PARD3: variants seen among roughly 807,000 people sequenced by gnomAD.
PARD3 encodes the protein partitioning defective 3 homolog.
A neutral mutation model predicts 155.4 loss-of-function variants in PARD3; 75 were observed. The observed-to-expected ratio is 0.48, with a 90% CI of 0.40 to 0.58. PARD3 has a LOEUF of 0.58. PARD3 is among the 20% of genes least tolerant of loss of function. PARD3 has a pLI of 0.00. For missense variants in PARD3, 1,642 were observed against 1,721.7 expected (o/e 0.95, Z 0.82); for synonymous variants, 576 against 610.5 (o/e 0.94, Z 0.83).
At chr10:34,472,000 C>T (rs1193474078) in intron 3 of PARD3, among the ~76,000 whole-genome samples, 1 of 152,136 alleles carries the variant, frequency 6.6e-6, no homozygotes, top group Non-Finnish European at 1.5e-5. Flanking sequence ...ACAGTGAAAG[C>T]TGTATTTAAA....
chr10:34,217,632 AGCAGTGCAT>A (rs1231388737), intron 22 of PARD3, among the ~76,000 whole-genome samples: 1 of 152,096 alleles, frequency 6.6e-6, no homozygotes, highest in Non-Finnish European at 1.5e-5. Context: ...ACTGAGACAA[AGCAGTGCAT>A]GAGGAGAAGC....
chr10:34,303,939 G>A (rs1957276449), intron 20 of PARD3, among the ~76,000 whole-genome samples: 1 of 152,170 alleles, frequency 6.6e-6, no homozygotes, highest in Non-Finnish European at 1.5e-5. Context: ...CAATGGTGGA[G>A]CAAGATAGAG....
chr10:34,665,536 A>AT (rs1161466688), intron 2 of PARD3, among the ~76,000 whole-genome samples: 2 of 151,732 alleles, frequency 1.3e-5, no homozygotes, highest in African/African-American at 2.4e-5. Flanking sequence ...AATTTTAAAA[A>AT]TTTTTAAAAA....
At chr10:34,764,535 T>C (rs1837844370) in intron 1 of PARD3, among the ~76,000 whole-genome samples, 1 of 151,910 alleles carries the variant, frequency 6.6e-6, no homozygotes. Context: ...GGGAAGGGAG[T>C]TACAGATAAA....
At chr10:34,577,688 C>T (rs1435358974) in intron 2 of PARD3, among the ~76,000 whole-genome samples, 2 of 152,274 alleles carry the variant, frequency 1.3e-5, no homozygotes, top group South Asian at 2.1e-4. Flanking sequence ...AAAATTTCAT[C>T]ACTAACTCCA....
chr10:34,573,730 AACAAAAACACACACACACACACAC>A (rs1388080338), intron 2 of PARD3, among the ~76,000 whole-genome samples: 2 of 36,346 alleles, frequency 5.5e-5, no homozygotes, highest in African/African-American at 1.5e-4. Flanking sequence ...CAAACAAACA[AACAAAAACACACACACACACACAC>A]ACACACACAC....
At chr10:34,765,728 G>A (rs1036164010) in intron 1 of PARD3, among the ~76,000 whole-genome samples, 9 of 152,058 alleles carry the variant, frequency 5.9e-5, no homozygotes, top group Non-Finnish European at 8.8e-5. Context: ...CAGGAGCAGT[G>A]ATATCGTTAA....
chr10:34,652,950 T>G (rs534340930), intron 2 of PARD3, among the ~76,000 whole-genome samples: 2 of 152,170 alleles, frequency 1.3e-5, no homozygotes, highest in Admixed American at 1.3e-4. Flanking sequence ...CCGGAGGACA[T>G]TTAAACGGAA....
chr10:34,199,859 C>T (rs1331225867), intron 22 of PARD3, among the ~76,000 whole-genome samples: 1 of 152,042 alleles, frequency 6.6e-6, no homozygotes, highest in Non-Finnish European at 1.5e-5. Flanking sequence ...TCTTTAGCAA[C>T]AAAGACTATT....
chr10:34,585,747 C>G (rs1446575607), intron 2 of PARD3, among the ~76,000 whole-genome samples: 1 of 152,004 alleles, frequency 6.6e-6, no homozygotes, highest in Non-Finnish European at 1.5e-5. Flanking sequence ...AATTTATATA[C>G]TTTTGCTAAA....
At chr10:34,779,121 G>A (rs971174344) in intron 1 of PARD3, among the ~76,000 whole-genome samples, 2 of 151,240 alleles carry the variant, frequency 1.3e-5, no homozygotes, top group South Asian at 2.1e-4. Context: ...GACCAGCCTG[G>A]CCAACATGGC....
intron 1 of PARD3, among the ~76,000 whole-genome samples, chr10:34,741,191 T>TTTTTTTG (rs1489968917): frequency 1.1e-4 from 15 of 142,626 alleles, no homozygotes; most frequent in East Asian, 4.0e-4. Flanking sequence ...TTTTTTTTTT[T>TTTTTTTG]TTTGTTTGAG....
At chr10:34,322,143 C>T (rs964328986) in intron 19 of PARD3, among the ~76,000 whole-genome samples, 3 of 152,160 alleles carry the variant, frequency 2.0e-5, no homozygotes, top group African/African-American at 4.8e-5. Flanking sequence ...ACTTGCCAGT[C>T]CAAGGTTATC....
At chr10:34,251,375 G>A (rs1242785917) in intron 22 of PARD3, among the ~76,000 whole-genome samples, 1 of 152,170 alleles carries the variant, frequency 6.6e-6, no homozygotes, top group East Asian at 1.9e-4. Flanking sequence ...ACGAACAATA[G>A]CAACTAACAT....
At chr10:34,343,648 A>C (rs1837073149) in intron 15 of PARD3, 1 of 985,354 alleles carries the variant, frequency 1.0e-6, no homozygotes, top group Non-Finnish European at 1.2e-6. Context: ...CAGCTAAAAA[A>C]CTTTACATAT....
intron 22 of PARD3, among the ~76,000 whole-genome samples, chr10:34,176,631 G>A (rs1404303604): frequency 6.6e-6 from 1 of 152,138 alleles, no homozygotes; most frequent in Non-Finnish European, 1.5e-5. Flanking sequence ...CGGATCTCAG[G>A]CTTGCCAATC....
chr10:34,449,375 A>G (rs992836312), intron 5 of PARD3, among the ~76,000 whole-genome samples: 1 of 151,504 alleles, frequency 6.6e-6, no homozygotes, highest in Non-Finnish European at 1.5e-5. Flanking sequence ...GGGATTCCCT[A>G]CTACAAAAAA....
rs775445941 is a variant in PARD3, at chr10:34,413,180, C to CACACAT, written c.715-11264_715-11263insATGTGT. Among the ~76,000 whole-genome samples, 738 of 145,194 alleles carry CACACAT rather than the reference C, an allele frequency of 5.1e-3. 2 individuals carry two copies. Among genetic ancestry groups the CACACAT allele is most frequent in the Middle Eastern group, 0.014 (4 of 288 alleles). The stretch of plus-strand genomic sequence containing the variant: ...ACACACACACACACACACACACACA[C>CACACAT]ATATATATAAGACTTTGTAACTGAT... On this transcript the variant is annotated intron_variant, in intron 5 of 24. Coordinates refer to ENST00000374788, the MANE Select transcript of PARD3 (RefSeq NM_001184785.2).
chr10:34,700,317 G>A (rs1355828215), intron 1 of PARD3, among the ~76,000 whole-genome samples: 1 of 152,178 alleles, frequency 6.6e-6, no homozygotes, highest in Non-Finnish European at 1.5e-5. Flanking sequence ...GGAAGCAGAG[G>A]TAACTCTACA....
Sources: allele counts gnomAD v4.1 joint callset (sites outside exome capture counted in the v4.1 genomes callset), GRCh38; gene constraint gnomAD v4.1.1; transcripts MANE v1.5; gene names NCBI Gene and HGNC (gene_info 2026-07-23, HGNC 2026-07-21).